Variants in DCC observed in about 807,000 individuals in gnomAD.
DCC encodes the protein DCC netrin 1 receptor.
In DCC, 58 loss-of-function variants were observed where a neutral mutation model predicts 172.5. The ratio of observed to expected loss-of-function variants is 0.34; its 90% CI spans 0.27 to 0.42. The LOEUF is 0.42. Ranked by LOEUF, DCC falls within the 10% of genes least tolerant of loss-of-function variation. The probability of loss-of-function intolerance (pLI) is 1.00; values close to 1 mark genes in which losing one functional copy is unlikely to be tolerated. For synonymous variants in DCC, 709 were observed against 644.5 expected (o/e 1.10, Z -1.52); for missense variants, 1,740 against 1,791.0 (o/e 0.97, Z 0.51).
Position 53,305,817 on chromosome 18 carries a change from C to T in DCC, c.2053+98C>T. ...CTCCAAAGGAACATTGATTTTCTTC[C>T]TGGCATCCAGGCAGGTGACATCTAT... On this transcript the variant is annotated intron_variant, in intron 13 of 28. Transcript: ENST00000442544. The T allele has an allele frequency of 6.1e-6, 8 of 1,319,388 alleles. 1 individual carries two copies. In the South Asian group the frequency reaches 9.5e-5, roughly 16 times the overall value. The allele number at this position is 1,319,388 out of a possible 1,614,324, so 81.7% of individuals were successfully genotyped here. A position where few individuals can be genotyped will look rare whatever the true frequency, so the allele number is the denominator to read the frequency against.
At chr18:52,829,409 G>A (rs2038570620) in intron 2 of DCC, among the ~76,000 whole-genome samples, 1 of 152,192 alleles carries the variant, frequency 6.6e-6, no homozygotes, top group African/African-American at 2.4e-5. Flanking sequence ...CTAAAGTGAA[G>A]GAGATATCAT....
At chr18:52,373,955 A>G (rs1985237548) in intron 1 of DCC, among the ~76,000 whole-genome samples, 1 of 142,040 alleles carries the variant, frequency 7.0e-6, no homozygotes, top group Non-Finnish European at 1.5e-5. Context: ...TGCATGGCTC[A>G]ATATTGGCTC....
chr18:53,283,876 A>G (rs1215302903), intron 12 of DCC, among the ~76,000 whole-genome samples: 4 of 149,426 alleles, frequency 2.7e-5, no homozygotes, highest in Non-Finnish European at 5.9e-5. Context: ...AAAAGACAGC[A>G]GCAAAGTTCA....
chr18:53,135,269 T>C (rs1869370545), intron 7 of DCC, among the ~76,000 whole-genome samples: 1 of 152,050 alleles, frequency 6.6e-6, no homozygotes, highest in South Asian at 2.1e-4. Flanking sequence ...CCAGAGATGA[T>C]ATAACTTGGC....
chr18:53,140,284 C>T (rs2043810761), intron 7 of DCC, among the ~76,000 whole-genome samples: 1 of 152,092 alleles, frequency 6.6e-6, no homozygotes, highest in Admixed American at 6.5e-5. Context: ...CCAAATTAAA[C>T]AAGCTTTTAT....
At position 53,459,246 on chromosome 18, in the gene DCC, A is replaced by G. The variant is rs2145165841; in HGVS notation, c.3407A>G (p.His1136Arg). 6.2e-7 allele frequency: 1 copy of G among 1,613,932 alleles called. No homozygotes were observed. Among genetic ancestry groups the G allele is most frequent in the East Asian group, 2.2e-5 (1 of 44,866 alleles). ...SAQQRKKRAT[H>R]SAGKRKGSQK... ...TTGTTCCATAGGAAACGGGCCACCCACAGTGCTGGCAAAAGGAAGGGCAGC... is the reference window on the plus strand; with the variant it reads ...TTGTTCCATAGGAAACGGGCCACCCGCAGTGCTGGCAAAAGGAAGGGCAGC... Residue 1136 changes from histidine (H) to arginine (R), a missense_variant, in exon 24 of 29, where the codon CAC (histidine) becomes CGC (arginine). Transcript: ENST00000442544.
At chr18:53,205,394 C>T in intron 10 of DCC, 30 bp downstream of exon 10, 3 of 1,609,246 alleles carry the variant, frequency 1.9e-6, no homozygotes, top group South Asian at 2.2e-5. Flanking sequence ...ACACTGCTTC[C>T]ATCTGTTGGA....
intron 5 of DCC, among the ~76,000 whole-genome samples, chr18:53,027,672 C>G (rs1483239965): frequency 1.3e-5 from 2 of 152,024 alleles, no homozygotes; most frequent in Non-Finnish European, 2.9e-5. Context: ...TTCTTTTTTT[C>G]TCTCTTCTTT....
intron 7 of DCC, among the ~76,000 whole-genome samples, chr18:53,150,023 G>T (rs1281760155): frequency 6.6e-6 from 1 of 152,148 alleles, no homozygotes; most frequent in Non-Finnish European, 1.5e-5. Context: ...AGGAAGCATC[G>T]TTATGTGAAC....
In DCC at chr18:52,453,184, C is replaced by A. The variant is rs1568177070; in HGVS notation, c.91+112306C>A. 2.0e-5 allele frequency among the ~76,000 whole-genome samples: 3 copies of A among 152,270 alleles called. No homozygotes were observed. In the East Asian group the frequency reaches 5.8e-4, roughly 29 times the overall value. ...TGTAGAACATGACGTATTATATCAG[C>A]ATAGATTTCAGTATTTCAAATTATT... On this transcript the variant is annotated intron_variant, in intron 1 of 28. Transcript: ENST00000442544.
At chr18:52,841,500 G>A (rs1278075647) in intron 2 of DCC, among the ~76,000 whole-genome samples, 1 of 152,190 alleles carries the variant, frequency 6.6e-6, no homozygotes, top group East Asian at 1.9e-4. Context: ...ATAAAACACT[G>A]TAAAAGGCAT....
chr18:52,554,280 T>C (rs1040954716), intron 1 of DCC, among the ~76,000 whole-genome samples: 1 of 152,126 alleles, frequency 6.6e-6, no homozygotes, highest in African/African-American at 2.4e-5. Context: ...TCCATTTTCA[T>C]GACATGCCAC....
At chr18:53,439,769 C>CTTTTTCT in intron 22 of DCC, among the ~76,000 whole-genome samples, 1 of 127,214 alleles carries the variant, frequency 7.9e-6, no homozygotes, top group Admixed American at 8.2e-5. Flanking sequence ...TAGTATTTTT[C>CTTTTTCT]TTTTTTTTTT....
intron 1 of DCC, among the ~76,000 whole-genome samples, chr18:52,558,619 G>C (rs1351300336): frequency 6.6e-6 from 1 of 152,096 alleles, no homozygotes; most frequent in Non-Finnish European, 1.5e-5. Flanking sequence ...CAGTAGAACG[G>C]GGTTTATCAC....
At position 53,207,672 on chromosome 18, in the gene DCC, T is replaced by TCTC; in HGVS notation, c.1723-5_1723-3dup. 6.2e-7 allele frequency: 1 copy of TCTC among 1,613,302 alleles called. No homozygotes were observed. Among genetic ancestry groups the TCTC allele is most frequent in the African/African-American group, 1.3e-5 (1 of 74,994 alleles). On this transcript the variant is annotated splice_region_variant and splice_polypyrimidine_tract_variant and intron_variant, in intron 10 of 28. Transcript: ENST00000442544. ...TTGATAACAGTTTTGGTGTTTTATG[T>TCTC]CTCCAGAATATAGAGGTTGATGGAC...
At chr18:53,320,217 C>T (rs971966065) in intron 13 of DCC, among the ~76,000 whole-genome samples, 10 of 151,772 alleles carry the variant, frequency 6.6e-5, no homozygotes, top group African/African-American at 1.7e-4. Flanking sequence ...GGACCACAGG[C>T]GCCCACCACC....
At chr18:53,115,577 A>C (rs1236443861) in intron 7 of DCC, among the ~76,000 whole-genome samples, 1 of 151,640 alleles carries the variant, frequency 6.6e-6, no homozygotes, top group African/African-American at 2.4e-5. Flanking sequence ...GAATTCGGCC[A>C]GTAGTTGTAA....
chr18:52,459,660 G>A (rs576260221), intron 1 of DCC, among the ~76,000 whole-genome samples: 9 of 151,848 alleles, frequency 5.9e-5, no homozygotes, highest in South Asian at 4.2e-4. Context: ...TAGTAGAGAC[G>A]GGGTTTCACC....
intron 1 of DCC, among the ~76,000 whole-genome samples, chr18:52,707,928 G>T (rs2036235602): frequency 6.6e-6 from 1 of 152,134 alleles, no homozygotes; most frequent in African/African-American, 2.4e-5. Flanking sequence ...GTAAGTTCAA[G>T]ACATTTATTG....
Sources: allele counts gnomAD v4.1 joint callset (sites outside exome capture counted in the v4.1 genomes callset), GRCh38; gene constraint gnomAD v4.1.1; transcripts MANE v1.5; gene names NCBI Gene and HGNC (gene_info 2026-07-23, HGNC 2026-07-21).